Variants in PROS1 observed in about 807,000 individuals in gnomAD.
The protein encoded by PROS1 is vitamin K-dependent protein S.
A neutral mutation model predicts 75.9 loss-of-function variants in PROS1; 29 were observed. The observed-to-expected ratio is 0.38, with a 90% confidence interval of 0.28 to 0.52. The LOEUF (loss-of-function observed/expected upper bound fraction) is 0.52. PROS1 is among the 20% of genes least tolerant of loss of function. The probability of loss-of-function intolerance (pLI) is 0.83; values close to 1 mark genes in which losing one functional copy is unlikely to be tolerated. For missense variants in PROS1, 680 were observed against 810.3 expected (o/e 0.84, Z 1.95); for synonymous variants, 245 against 280.6 (o/e 0.87, Z 1.27).
chr3:93,964,794 C>T (rs1301148919), intron 1 of PROS1, among the ~76,000 whole-genome samples: 3 of 152,114 alleles, frequency 2.0e-5, no homozygotes, highest in Non-Finnish European at 2.9e-5. Context: ...AGATACGTGG[C>T]GTCACCCCCG....
intron 10 of PROS1, among the ~76,000 whole-genome samples, chr3:93,892,652 TA>T (rs1708447933): frequency 6.6e-6 from 1 of 151,338 alleles, no homozygotes; most frequent in Non-Finnish European, 1.5e-5. Context: ...TTAGGCCTCC[TA>T]ATAGTCCCTA....
At chr3:93,892,067 C>T (rs1416145402) in intron 10 of PROS1, among the ~76,000 whole-genome samples, 1 of 151,930 alleles carries the variant, frequency 6.6e-6, no homozygotes. Flanking sequence ...TGGTTGCTCA[C>T]TCTTGTAATC....
At chr3:93,891,158 G>T (rs1340677425) in intron 10 of PROS1, among the ~76,000 whole-genome samples, 1 of 151,990 alleles carries the variant, frequency 6.6e-6, no homozygotes, top group African/African-American at 2.4e-5. Flanking sequence ...AATAAATTGA[G>T]ATCAGCACAA....
chr3:93,912,683 G>T (rs1241721328), intron 3 of PROS1, among the ~76,000 whole-genome samples: 1 of 152,120 alleles, frequency 6.6e-6, no homozygotes, highest in Non-Finnish European at 1.5e-5. Context: ...ATATCAAGGT[G>T]CTTTAGTGTC....
intron 9 of PROS1, among the ~76,000 whole-genome samples, chr3:93,895,740 T>C (rs1576181414): frequency 6.6e-6 from 1 of 151,938 alleles, no homozygotes; most frequent in African/African-American, 2.4e-5. Flanking sequence ...TCACCTGAGG[T>C]GATCACCTGA....
At chr3:93,887,155 T>C (rs1708361104) in intron 10 of PROS1, among the ~76,000 whole-genome samples, 1 of 152,022 alleles carries the variant, frequency 6.6e-6, no homozygotes, top group South Asian at 2.1e-4. Context: ...CCTGACCTCA[T>C]GATCCACCCG....
chr3:93,966,539 G>A (rs1185379519), intron 1 of PROS1, among the ~76,000 whole-genome samples: 5 of 152,164 alleles, frequency 3.3e-5, no homozygotes, highest in South Asian at 4.1e-4. Context: ...AGATAATTTG[G>A]TTAAAGACAA....
At chr3:93,923,058 A>G (rs1708965975) in intron 3 of PROS1, among the ~76,000 whole-genome samples, 2 of 152,192 alleles carry the variant, frequency 1.3e-5, no homozygotes, top group Non-Finnish European at 2.9e-5. Context: ...TTTAATCTGA[A>G]ACAGTTAAAA....
chr3:93,960,176 CTTTT>C (rs997640046), intron 1 of PROS1, among the ~76,000 whole-genome samples: 2 of 138,996 alleles, frequency 1.4e-5, no homozygotes, highest in Admixed American at 7.3e-5. Context: ...GCGTTTGTCA[CTTTT>C]TTTTTTTTTT....
chr3:93,887,247 T>G (rs1440759074), intron 10 of PROS1, among the ~76,000 whole-genome samples: 1 of 152,180 alleles, frequency 6.6e-6, no homozygotes, highest in African/African-American at 2.4e-5. Flanking sequence ...GTAAGAAAAA[T>G]CAATATGTTC....
intron 1 of PROS1, among the ~76,000 whole-genome samples, chr3:93,955,629 G>T (rs1188801091): frequency 6.6e-6 from 1 of 151,868 alleles, no homozygotes; most frequent in African/African-American, 2.4e-5. Flanking sequence ...TGATGTAAAT[G>T]ATGAGTTAAT....
chr3:93,900,729 C>T lies in PROS1; in HGVS notation c.727+75G>A, dbSNP rs1431169111. The T allele has an allele frequency of 3.8e-6, 6 of 1,589,098 alleles. No individual in the cohort carries two copies. The East Asian group carries it at 6.7e-5, about 18-fold the overall frequency. ...TATGACTGTTGATGTCAAACAAAGC[C>T]AATGCTTTTAAATATCAGTTCAGGG... On this transcript the variant is annotated intron_variant, in intron 7 of 14. Coordinates refer to ENST00000394236, the MANE Select transcript of PROS1 (RefSeq NM_000313.4).
intron 14 of PROS1, among the ~76,000 whole-genome samples, chr3:93,875,397 T>C (rs1708167170): frequency 6.6e-6 from 1 of 152,106 alleles, no homozygotes; most frequent in Admixed American, 6.6e-5. Context: ...TTCCCCACTC[T>C]TTCTCTCAAG....
rs2107137352 is a variant in PROS1 at position 93,884,760 on chromosome 3, C to T, written c.1460G>A (p.Gly487Asp). The change falls in exon 12 of 15, where the codon GGT becomes GAT. Residue 487 changes from glycine to aspartate, a missense_variant. By Grantham distance (94) the Gly-to-Asp change is moderately conservative. Coordinates refer to ENST00000394236, the MANE Select transcript of PROS1 (RefSeq NM_000313.4). ...VTVEKGSYYP[G>D]SGIAQFHIDY... ...TATGTGAAATTGAGCAATTCCAGAA[C>T]CAGGATAGTAGGAGCCCTTCTCCAC... The T allele has an allele frequency of 6.2e-7, 1 of 1,613,756 alleles. No homozygotes were observed. The highest frequency in any genetic ancestry group is 1.1e-5 in the South Asian group (1 of 91,022).
chr3:93,920,733 A>T (rs1408737811), intron 3 of PROS1, among the ~76,000 whole-genome samples: 1 of 152,102 alleles, frequency 6.6e-6, no homozygotes, highest in Non-Finnish European at 1.5e-5. Context: ...TTTATTCATT[A>T]GGTATAATGT....
intron 13 of PROS1, 106 bp downstream of exon 13, chr3:93,879,057 A>T: frequency 8.8e-7 from 1 of 1,141,946 alleles, no homozygotes; most frequent in Non-Finnish European, 1.3e-6. Context: ...TACATAAGTT[A>T]CTTTATTTAA....
chr3:93,934,032 T>C (rs1190999082), intron 1 of PROS1, among the ~76,000 whole-genome samples: 4 of 138,774 alleles, frequency 2.9e-5, no homozygotes, highest in African/African-American at 1.1e-4. Context: ...AAAAAAAATT[T>C]AACCAGGAGT....
At position 93,893,738 on chromosome 3, in the gene PROS1, T is replaced by TA. The variant is rs796424613; in HGVS notation, c.966-617dup. 4.6e-4 allele frequency among the ~76,000 whole-genome samples: 70 copies of TA among 152,292 alleles called. 1 individual carries two copies. Among genetic ancestry groups the TA allele is most frequent in the African/African-American group, 1.5e-3 (63 of 41,570 alleles). On this transcript the variant is annotated intron_variant, in intron 9 of 14. Transcript: ENST00000394236. Reference sequence around the variant, plus strand: ...CATGTGTGGTAAGAAAGGTAAAATTTAAAAACTTAAAATATATCTATTAGC... The same window carrying TA: ...CATGTGTGGTAAGAAAGGTAAAATTTAAAAAACTTAAAATATATCTATTAGC...
intron 1 of PROS1, among the ~76,000 whole-genome samples, chr3:93,971,550 G>A (rs1196243339): frequency 6.6e-6 from 1 of 151,514 alleles, no homozygotes; most frequent in Admixed American, 6.6e-5. Context: ...CAGGCCGCTT[G>A]AACCCTGGAG....
Sources: gnomAD v4.1 joint callset for allele counts (sites outside exome capture counted in the v4.1 genomes callset) on GRCh38, gnomAD v4.1.1 for gene constraint, MANE v1.5 for transcripts, NCBI Gene and HGNC (gene_info 2026-07-23, HGNC 2026-07-21) for gene names.